NKAIN2: variants seen among roughly 807,000 people sequenced by gnomAD.
The protein encoded by NKAIN2 is sodium/potassium-transporting ATPase subunit beta-1-interacting protein 2.
In NKAIN2, 14 loss-of-function variants were observed where a neutral mutation model predicts 32.6. The observed-to-expected ratio is 0.43, with a 90% CI of 0.28 to 0.67. The LOEUF (loss-of-function observed/expected upper bound fraction) is 0.67. Among genes scored for constraint, NKAIN2 ranks in the 30% least tolerant of loss-of-function variants. The pLI is 0.17. For missense variants in NKAIN2, 198 were observed against 258.3 expected (o/e 0.77, Z 1.60); for synonymous variants, 80 against 87.2 (o/e 0.92, Z 0.46).
intron 1 of NKAIN2, among the ~76,000 whole-genome samples, chr6:124,130,370 G>A (rs1309585852): frequency 6.6e-6 from 1 of 152,112 alleles, no homozygotes; most frequent in African/African-American, 2.4e-5. Flanking sequence ...AATAATTCCT[G>A]TTGCGTCTCA....
At chr6:124,349,133 C>T (rs62434724) in intron 2 of NKAIN2, among the ~76,000 whole-genome samples, 4,007 of 152,106 alleles carry the variant, frequency 0.026, 92 homozygotes, top group Non-Finnish European at 0.034. Context: ...AATTTAGACA[C>T]GTGGACATAT....
At chr6:124,787,952 C>A (rs957831057) in intron 4 of NKAIN2, among the ~76,000 whole-genome samples, 2 of 151,998 alleles carry the variant, frequency 1.3e-5, no homozygotes, top group Non-Finnish European at 2.9e-5. Flanking sequence ...CTGTCATCAG[C>A]AAAAATACAT....
At chr6:123,819,149 T>G (rs138131330) in intron 1 of NKAIN2, among the ~76,000 whole-genome samples, 1 of 152,288 alleles carries the variant, frequency 6.6e-6, no homozygotes, top group East Asian at 1.9e-4. Flanking sequence ...ATATTGTTCT[T>G]CTGGATGTGG....
chr6:124,643,302 C>A (rs915057884), intron 3 of NKAIN2, among the ~76,000 whole-genome samples: 1 of 152,134 alleles, frequency 6.6e-6, no homozygotes, highest in African/African-American at 2.4e-5. Context: ...TATAAGGCTA[C>A]ATATTGCTAC....
chr6:124,112,858 T>G (rs163283), intron 1 of NKAIN2, among the ~76,000 whole-genome samples: 61,368 of 151,158 alleles, frequency 0.41, 12,965 homozygotes, highest in South Asian at 0.49. Flanking sequence ...CTGAACCCCT[T>G]TAGTGCATTT....
chr6:124,642,536 G>A (rs1784031177), intron 3 of NKAIN2, among the ~76,000 whole-genome samples: 1 of 152,148 alleles, frequency 6.6e-6, no homozygotes, highest in Admixed American at 6.5e-5. Flanking sequence ...ATACAGAACA[G>A]TGCTTTCTGA....
intron 1 of NKAIN2, among the ~76,000 whole-genome samples, chr6:123,988,459 T>C (rs1779252779): frequency 1.3e-5 from 2 of 152,096 alleles, no homozygotes; most frequent in African/African-American, 4.8e-5. Flanking sequence ...ATACGGTGAG[T>C]GCAGTAGTTT....
chr6:124,576,806 A>G (rs1781352957), intron 3 of NKAIN2, among the ~76,000 whole-genome samples: 1 of 152,186 alleles, frequency 6.6e-6, no homozygotes, highest in African/African-American at 2.4e-5. Context: ...CATACCTCAA[A>G]CTGTATACAA....
At chr6:124,739,498 A>G (rs1252753711) in intron 4 of NKAIN2, among the ~76,000 whole-genome samples, 1 of 151,808 alleles carries the variant, frequency 6.6e-6, no homozygotes, top group African/African-American at 2.4e-5. Context: ...TTATCTTCTA[A>G]CCAATGACCC....
intron 3 of NKAIN2, among the ~76,000 whole-genome samples, chr6:124,542,810 C>A (rs1025314682): frequency 6.6e-6 from 1 of 151,874 alleles, no homozygotes; most frequent in Non-Finnish European, 1.5e-5. Context: ...AAAATTTGCA[C>A]GTTCAGTAAT....
intron 3 of NKAIN2, among the ~76,000 whole-genome samples, chr6:124,397,566 A>G (rs1773438663): frequency 6.6e-6 from 1 of 151,858 alleles, no homozygotes. Flanking sequence ...GCATTAAGCC[A>G]GATTTTGAAC....
At chr6:124,281,367 C>T (rs1002267067) in intron 1 of NKAIN2, among the ~76,000 whole-genome samples, 1 of 152,128 alleles carries the variant, frequency 6.6e-6, no homozygotes, top group African/African-American at 2.4e-5. Context: ...TGTAATACTG[C>T]CTAATGTCAC....
chr6:124,272,821 G>A (rs961677965), intron 1 of NKAIN2, among the ~76,000 whole-genome samples: 1 of 152,204 alleles, frequency 6.6e-6, no homozygotes, highest in Non-Finnish European at 1.5e-5. Context: ...CCTCGCCCTG[G>A]ATGTGAGGCA....
intron 1 of NKAIN2, among the ~76,000 whole-genome samples, chr6:124,258,277 T>C (rs748649396): frequency 1.3e-5 from 2 of 152,190 alleles, no homozygotes; most frequent in Non-Finnish European, 2.9e-5. Flanking sequence ...TCTGTAGATT[T>C]GTATATTTGC....
intron 4 of NKAIN2, among the ~76,000 whole-genome samples, chr6:124,684,515 T>G (rs1773768299): frequency 6.6e-6 from 1 of 152,208 alleles, no homozygotes. Flanking sequence ...GTAAACAATT[T>G]ATACTACATA....
intron 3 of NKAIN2, among the ~76,000 whole-genome samples, chr6:124,403,586 TCAA>T (rs2114465617): frequency 6.6e-6 from 1 of 152,292 alleles, no homozygotes; most frequent in Non-Finnish European, 1.5e-5. Context: ...AATTTTTTAT[TCAA>T]CAATTATTTA....
At chr6:123,851,244 A>ATTTTTTTTTTTTTTT (rs59287833) in intron 1 of NKAIN2, among the ~76,000 whole-genome samples, 3 of 88,196 alleles carry the variant, frequency 3.4e-5, no homozygotes, top group Non-Finnish European at 6.0e-5. Flanking sequence ...TGGTGGTTCT[A>ATTTTTTTTTTTTTTT]TTTTTTTTTT....
At chr6:124,527,579 T>G (rs1779366750) in intron 3 of NKAIN2, among the ~76,000 whole-genome samples, 1 of 152,230 alleles carries the variant, frequency 6.6e-6, no homozygotes, top group African/African-American at 2.4e-5. Flanking sequence ...GATCAAATTA[T>G]TCATTTATGC....
At chr6:123,890,682 T>C (rs1452049345) in intron 1 of NKAIN2, among the ~76,000 whole-genome samples, 1 of 152,074 alleles carries the variant, frequency 6.6e-6, no homozygotes, top group East Asian at 1.9e-4. Context: ...CCAGAAAGTA[T>C]CAAGTGTGGG....
Sources: allele counts gnomAD v4.1 joint callset (sites outside exome capture counted in the v4.1 genomes callset), GRCh38; gene constraint gnomAD v4.1.1; transcripts MANE v1.5; gene names NCBI Gene and HGNC (gene_info 2026-07-23, HGNC 2026-07-21).